DGKG: variants seen among roughly 807,000 people sequenced by gnomAD.
DGKG encodes the protein DAG kinase gamma.
A neutral mutation model predicts 105.3 loss-of-function variants in DGKG; 78 were observed. The ratio of observed to expected loss-of-function variants is 0.74; its 90% CI spans 0.62 to 0.89. The LOEUF is 0.89. DGKG is among the 40% of genes least tolerant of loss of function. DGKG has a pLI of 0.00. For missense variants in DGKG, 958 were observed against 1,020.1 expected (o/e 0.94, Z 0.83); for synonymous variants, 346 against 367.1 (o/e 0.94, Z 0.66).
At chr3:186,233,308 A>AG (rs557026644) in intron 20 of DGKG, among the ~76,000 whole-genome samples, 23 of 152,116 alleles carry the variant, frequency 1.5e-4, no homozygotes, top group Non-Finnish European at 3.1e-4. Flanking sequence ...CAACAATGGG[A>AG]GGGGGCCAGG....
intron 2 of DGKG, among the ~76,000 whole-genome samples, chr3:186,314,625 G>A (rs1342427430): frequency 6.6e-6 from 1 of 151,890 alleles, no homozygotes; most frequent in Non-Finnish European, 1.5e-5. Context: ...ATGGTGGTGG[G>A]AGCCTATAGT....
At chr3:186,205,478 G>A (rs1418685308) in intron 21 of DGKG, among the ~76,000 whole-genome samples, 4 of 151,942 alleles carry the variant, frequency 2.6e-5, no homozygotes, top group Non-Finnish European at 4.4e-5. Flanking sequence ...GGGAGGCCAA[G>A]GTGGGTGGGT....
chr3:186,150,234 G>T (rs1469952860), intron 24 of DGKG, 46 bp from the exon 25 acceptor site: 3 of 1,578,830 alleles, frequency 1.9e-6, no homozygotes, highest in Non-Finnish European at 2.6e-6. Flanking sequence ...GCAAATCTCA[G>T]TAGCCTAAGG....
At chr3:186,306,123 T>G (rs765109436) in intron 3 of DGKG, among the ~76,000 whole-genome samples, 4 of 152,070 alleles carry the variant, frequency 2.6e-5, no homozygotes, top group African/African-American at 4.8e-5. Flanking sequence ...GACTAGTGAT[T>G]TGAGTGGAAG....
intron 21 of DGKG, among the ~76,000 whole-genome samples, chr3:186,204,245 C>G (rs1718614150): frequency 6.6e-6 from 1 of 152,082 alleles, no homozygotes; most frequent in Non-Finnish European, 1.5e-5. Context: ...CCCATCTCTA[C>G]AAATACAAAC....
At chr3:186,263,529 T>C (rs944829830) in intron 14 of DGKG, among the ~76,000 whole-genome samples, 1 of 151,540 alleles carries the variant, frequency 6.6e-6, no homozygotes, top group Non-Finnish European at 1.5e-5. Context: ...ATCGCACCAT[T>C]GCACTCCAGC....
chr3:186,338,823 T>C (rs1217236386), intron 1 of DGKG, among the ~76,000 whole-genome samples: 1 of 152,208 alleles, frequency 6.6e-6, no homozygotes, highest in African/African-American at 2.4e-5. Flanking sequence ...TTACGGAACA[T>C]TGACTTGAAG....
intron 22 of DGKG, among the ~76,000 whole-genome samples, chr3:186,165,286 C>G (rs527281100): frequency 2.0e-5 from 3 of 152,206 alleles, no homozygotes; most frequent in African/African-American, 7.2e-5. Context: ...CAAGAAGTCT[C>G]TTCAAATGTA....
intron 20 of DGKG, among the ~76,000 whole-genome samples, chr3:186,220,748 A>G (rs936262230): frequency 1.3e-5 from 2 of 152,188 alleles, no homozygotes; most frequent in Non-Finnish European, 2.9e-5. Context: ...ACAAAGGGCC[A>G]AACCCATAAG....
At position 186,188,317 on chromosome 3, in the gene DGKG, A is replaced by T; in HGVS notation, c.1980T>A (p.Ile660=). ...GATTGGTGCCTCCGTACATGCTGGGAATGTTGAGAATGGCAATGCCTTCCA... is the reference window on the plus strand; with the variant it reads ...GATTGGTGCCTCCGTACATGCTGGGTATGTTGAGAATGGCAATGCCTTCCA... ...IFLEGIAILN[I]PSMYGGTNLW... The change falls in exon 22 of 25, where the codon ATT becomes ATA. Residue 660 remains isoleucine (I), a synonymous_variant. Transcript: ENST00000265022. 1 of 1,613,926 alleles carries T rather than the reference A, an allele frequency of 6.2e-7. No homozygotes were observed. Among genetic ancestry groups the T allele is most frequent in the Non-Finnish European group, 8.5e-7 (1 of 1,179,994 alleles).
rs1386845243 is a variant in DGKG at position 186,315,460 on chromosome 3, T to C, written c.67+4933A>G. Among the ~76,000 whole-genome samples, 7 of 152,252 alleles carry C rather than the reference T, an allele frequency of 4.6e-5. No individual in the cohort carries two copies. In the East Asian group the frequency reaches 1.4e-3, roughly 29 times the overall value. ...TGTGGTTGTGAGGCCCCTTACCAAC[T>C]CTCAAACAAGTTCCAGGTTGTCCAT... On this transcript the variant is annotated intron_variant, in intron 2 of 24. Transcript: ENST00000265022.
At chr3:186,298,311 C>T in intron 3 of DGKG, 82 bp from the exon 4 acceptor site, 5 of 1,380,128 alleles carry the variant, frequency 3.6e-6, no homozygotes, top group Non-Finnish European at 4.9e-6. Context: ...AATAGAAAAG[C>T]TGGCAGGTGA....
chr3:186,158,609 C>A (rs919060512), intron 24 of DGKG: 6 of 918,582 alleles, frequency 6.5e-6, no homozygotes, highest in African/African-American at 1.8e-5. Context: ...AATATGAATG[C>A]CTGAACAAAT....
rs1317617952 is a variant in DGKG, at chr3:186,268,815, A to G, written c.1102T>C (p.Trp368Arg). The G allele has an allele frequency of 1.9e-6, 3 of 1,612,072 alleles. No individual in the cohort carries two copies. The highest frequency in any genetic ancestry group is 2.5e-6 in the Non-Finnish European group (3 of 1,178,584). The part of the protein sequence containing the change: ...YQSVTARHCV[W>R]CRMTFHRKCE... ...CGCCAACCCACCGTCATCCGGCACC[A>G]CACGCAGTGCCGCGCGGTGACACTC... Residue 368 changes from tryptophan to arginine, a missense_variant, in exon 12 of 25, where the codon TGG becomes CGG. Coordinates refer to ENST00000265022, the MANE Select transcript of DGKG (RefSeq NM_001346.3).
At chr3:186,354,581 A>G (rs4350910) in intron 1 of DGKG, among the ~76,000 whole-genome samples, 20,977 of 152,124 alleles carry the variant, frequency 0.14, 1,651 homozygotes, top group African/African-American at 0.22. Flanking sequence ...TTTTCTTGCC[A>G]CAGCAGACTT....
In DGKG at chr3:186,250,557, C is replaced by CTTTTTTTTTTTTTTTTTTT. The variant is rs10529645; in HGVS notation, c.1761+1201_1761+1202insAAAAAAAAAAAAAAAAAAA. 3.5e-4 allele frequency among the ~76,000 whole-genome samples: 41 copies of CTTTTTTTTTTTTTTTTTTT among 116,172 alleles called. 2 individuals carry two copies. Among genetic ancestry groups the CTTTTTTTTTTTTTTTTTTT allele is most frequent in the African/African-American group, 9.5e-4 (29 of 30,586 alleles). 76.2% of individuals were successfully genotyped at this position (116,172 alleles called of 152,430 possible). On this transcript the variant is annotated intron_variant, in intron 19 of 24. Coordinates refer to ENST00000265022, the MANE Select transcript of DGKG (RefSeq NM_001346.3). ...CAAATAGTTCAATAATTCTGTCATT[C>CTTTTTTTTTTTTTTTTTTT]TTTTTTTTTTGAGACAGAGTCTCGC...
chr3:186,268,596 T>G (rs1309840726), intron 12 of DGKG, among the ~76,000 whole-genome samples: 1 of 152,166 alleles, frequency 6.6e-6, no homozygotes, highest in Non-Finnish European at 1.5e-5. Context: ...ACTCCCCTGG[T>G]TCGGGGGTGC....
chr3:186,252,511 C>T lies in DGKG; in HGVS notation c.1600+582G>A, dbSNP rs75183881. On this transcript the variant is annotated intron_variant, in intron 18 of 24. Transcript: ENST00000265022. ...ATGTCCAACGCCATGGGGGCTACTG[C>T]AGTTTGCAAAGTTCTCTGCCCCTTG... 7.6e-3 allele frequency among the ~76,000 whole-genome samples: 1,160 copies of T among 152,364 alleles called. 14 individuals carry two copies. Among genetic ancestry groups the T allele is most frequent in the African/African-American group, 0.025 (1,041 of 41,582 alleles).
rs1010969187 is a variant in DGKG, at chr3:186,360,248, G to A, written c.-249+1698C>T. ...ATTTCAAGACACGCTGATGTTTGTC[G>A]TTTTCTCCCCATGTCTCGGTTGATC... On this transcript the variant is annotated intron_variant, in intron 1 of 24. Transcript: ENST00000265022. 4.6e-5 allele frequency among the ~76,000 whole-genome samples: 7 copies of A among 152,086 alleles called. No individual in the cohort carries two copies. In the South Asian group the frequency reaches 1.0e-3, roughly 23 times the overall value.
Sources: allele counts gnomAD v4.1 joint callset (sites outside exome capture counted in the v4.1 genomes callset), GRCh38; gene constraint gnomAD v4.1.1; transcripts MANE v1.5; gene names NCBI Gene and HGNC (gene_info 2026-07-23, HGNC 2026-07-21).